The following SPAG16 variants were observed in gnomAD, a reference collection of about 807,000 sequenced individuals.
SPAG16 encodes sperm-associated antigen 16 protein.
In SPAG16, 86 loss-of-function variants were observed where a neutral mutation model predicts 80.4. The ratio of observed to expected loss-of-function variants is 1.07; its 90% CI spans 0.90 to 1.28. The LOEUF is 1.28. Ranked by LOEUF, SPAG16 falls within the 50% of genes most tolerant of loss-of-function variation. The pLI is 0.00. For missense variants in SPAG16, 870 were observed against 765.3 expected, an observed-to-expected ratio of 1.14 and a Z score of -1.61; for synonymous variants, 294 against 265.9, an observed-to-expected ratio of 1.11 and a Z score of -1.03.
intron 10 of SPAG16, among the ~76,000 whole-genome samples, chr2:213,543,276 C>T (rs538108118): frequency 2.0e-5 from 3 of 151,912 alleles, no homozygotes; most frequent in African/African-American, 7.2e-5. Flanking sequence ...TTGCCTATTT[C>T]TCTATTAGAC....
At chr2:213,779,214 G>A (rs2069791317) in intron 10 of SPAG16, among the ~76,000 whole-genome samples, 1 of 151,918 alleles carries the variant, frequency 6.6e-6, no homozygotes, top group Admixed American at 6.6e-5. Context: ...TTTTTTTCCA[G>A]ATGTCCTTTA....
In SPAG16 at chr2:213,926,172, A is replaced by C. The variant is rs187460740; in HGVS notation, c.1215-3788A>C. On this transcript the variant is annotated intron_variant, in intron 11 of 15. Transcript: ENST00000331683. ...GTATCCTTTATAATTTTAACCACCT[A>C]TACTGTGTTCAGTTCCTCATCTGTC... is the stretch of plus-strand genomic sequence containing the variant. 3.1e-3 allele frequency among the ~76,000 whole-genome samples: 476 copies of C among 152,294 alleles called. 1 individual carries two copies. Among genetic ancestry groups the C allele is most frequent in the Non-Finnish European group, 5.6e-3 (379 of 68,020 alleles).
intron 10 of SPAG16, among the ~76,000 whole-genome samples, chr2:213,780,421 C>T (rs1389803508): frequency 6.6e-6 from 1 of 152,026 alleles, no homozygotes; most frequent in Non-Finnish European, 1.5e-5. Context: ...GCATCTTCTC[C>T]TCTTGGGGAA....
At chr2:213,773,987 A>G (rs2069414801) in intron 10 of SPAG16, among the ~76,000 whole-genome samples, 1 of 152,164 alleles carries the variant, frequency 6.6e-6, no homozygotes, top group South Asian at 2.1e-4. Context: ...GCTTGTTTTT[A>G]TAGCATTCAT....
At chr2:214,056,495 A>G (rs1009337496) in intron 13 of SPAG16, among the ~76,000 whole-genome samples, 2 of 150,424 alleles carry the variant, frequency 1.3e-5, no homozygotes, top group African/African-American at 2.5e-5. Context: ...TTTTTAAAAA[A>G]TGAGCATTCC....
intron 13 of SPAG16, among the ~76,000 whole-genome samples, chr2:214,067,033 A>G (rs534476616): frequency 7.7e-4 from 117 of 152,254 alleles, no homozygotes; most frequent in African/African-American, 2.6e-3. Flanking sequence ...GCTGGGCACA[A>G]TGGCACTGAA....
chr2:213,860,447 AT>A lies in SPAG16; in HGVS notation c.1071-2037del, dbSNP rs1559529400. 2.4e-5 allele frequency among the ~76,000 whole-genome samples: 3 copies of A among 127,066 alleles called. 1 individual carries two copies. Among genetic ancestry groups the A allele is most frequent in the South Asian group, 2.7e-4 (1 of 3,702 alleles). The allele number at this position is 127,066 out of a possible 152,430, so 83.4% of individuals were successfully genotyped here. On this transcript the variant is annotated intron_variant, in intron 10 of 15. Coordinates refer to ENST00000331683, the MANE Select transcript of SPAG16 (RefSeq NM_024532.5). ...TGTATATCTATATATTTATAGATAT[AT>A]GTATATATATACAGATATATCTATC...
At chr2:214,402,657 A>C (rs1217982457) in intron 15 of SPAG16, among the ~76,000 whole-genome samples, 1 of 152,032 alleles carries the variant, frequency 6.6e-6, no homozygotes, top group African/African-American at 2.4e-5. Context: ...ATTTTTAAAT[A>C]ACATCTTAAT....
intron 13 of SPAG16, among the ~76,000 whole-genome samples, chr2:214,061,624 G>A (rs114344148): frequency 3.4e-4 from 52 of 152,234 alleles, no homozygotes; most frequent in Non-Finnish European, 7.1e-4. Context: ...CTGCATTATG[G>A]AAGGTAATCT....
At chr2:213,798,859 G>A (rs185378687) in intron 10 of SPAG16, among the ~76,000 whole-genome samples, 28 of 152,082 alleles carry the variant, frequency 1.8e-4, no homozygotes, top group Non-Finnish European at 1.0e-4. Context: ...AAATTTCCTA[G>A]CATATTTGTT....
At chr2:213,319,130 C>T (rs1223652549) in intron 5 of SPAG16, among the ~76,000 whole-genome samples, 2 of 151,774 alleles carry the variant, frequency 1.3e-5, no homozygotes, top group African/African-American at 2.4e-5. Flanking sequence ...AAGCAGAGTT[C>T]GTGTTTTATT....
intron 15 of SPAG16, among the ~76,000 whole-genome samples, chr2:214,403,321 ATATAT>A (rs1701818347): frequency 6.7e-6 from 1 of 149,174 alleles, no homozygotes; most frequent in Non-Finnish European, 1.5e-5. Flanking sequence ...GGTAAAATTG[ATATAT>A]TTATTTATAT....
At chr2:214,146,229 C>G (rs768520125) in intron 14 of SPAG16, among the ~76,000 whole-genome samples, 1 of 152,192 alleles carries the variant, frequency 6.6e-6, no homozygotes, top group Non-Finnish European at 1.5e-5. Context: ...TCCCACATCT[C>G]TCCATCTCCA....
chr2:214,153,158 C>T (rs755296915), intron 15 of SPAG16, among the ~76,000 whole-genome samples: 2 of 152,000 alleles, frequency 1.3e-5, no homozygotes, highest in African/African-American at 4.8e-5. Flanking sequence ...ATTTCGCTAC[C>T]GCTAGACCAC....
At chr2:214,118,880 G>C (rs1342932724) in intron 14 of SPAG16, among the ~76,000 whole-genome samples, 1 of 150,590 alleles carries the variant, frequency 6.6e-6, no homozygotes, top group Non-Finnish European at 1.5e-5. Context: ...GAACCAAAAG[G>C]CTGCAAATAG....
chr2:213,835,353 CT>C (rs1179014451), intron 10 of SPAG16, among the ~76,000 whole-genome samples: 2 of 152,130 alleles, frequency 1.3e-5, no homozygotes, highest in African/African-American at 2.4e-5. Context: ...GTTTTATAAT[CT>C]AATATAATAA....
intron 13 of SPAG16, among the ~76,000 whole-genome samples, chr2:214,094,491 G>A (rs1037094667): frequency 3.9e-5 from 6 of 152,078 alleles, no homozygotes; most frequent in South Asian, 2.1e-4. Context: ...AAAAATATGC[G>A]TTATAAACAA....
chr2:213,386,841 A>T (rs1217565129), intron 9 of SPAG16, among the ~76,000 whole-genome samples: 2 of 152,206 alleles, frequency 1.3e-5, no homozygotes, highest in Non-Finnish European at 2.9e-5. Context: ...CTTTGTAAAG[A>T]TAACTAAATA....
intron 15 of SPAG16, among the ~76,000 whole-genome samples, chr2:214,375,521 A>G (rs1700072847): frequency 6.6e-6 from 1 of 152,188 alleles, no homozygotes; most frequent in Non-Finnish European, 1.5e-5. Context: ...ACACCTGTCC[A>G]TGCCCACCTA....
Sources: gnomAD v4.1 joint callset for allele counts (sites outside exome capture counted in the v4.1 genomes callset) on GRCh38, gnomAD v4.1.1 for gene constraint, MANE v1.5 for transcripts, NCBI Gene and HGNC (gene_info 2026-07-23, HGNC 2026-07-21) for gene names.